The following HMGN5 variants were observed in gnomAD, a reference collection of about 807,000 sequenced individuals.
The protein encoded by HMGN5 is high mobility group nucleosome-binding domain-containing protein 5.
In HMGN5, 4 loss-of-function variants were observed where a neutral mutation model predicts 9.5. The ratio of observed to expected loss-of-function variants is 0.42; its 90% CI spans 0.21 to 0.96. The LOEUF (loss-of-function observed/expected upper bound fraction) is 0.96, where lower values mean the gene tolerates loss of function less well. Ranked by LOEUF, HMGN5 falls within the 40% of genes least tolerant of loss-of-function variation. HMGN5 has a pLI of 0.30. For synonymous variants in HMGN5, 55 were observed against 57.1 expected (o/e 0.96, Z 0.16); for missense variants, 192 against 187.5 (o/e 1.02, Z -0.14).
intron 1 of HMGN5, among the ~76,000 whole-genome samples, chrX:81,124,603 CTAAA>C (rs1188644700): frequency 8.9e-6 from 1 of 111,957 alleles, no homozygotes; most frequent in Non-Finnish European, 1.9e-5. Context: ...TTCCTTTTGC[CTAAA>C]TATTTACTCA....
At chrX:81,117,482 C>A (rs2075257149) in intron 5 of HMGN5, among the ~76,000 whole-genome samples, 1 of 109,810 alleles carries the variant, frequency 9.1e-6, no homozygotes, top group Non-Finnish European at 1.9e-5. Context: ...TACGTTCAAG[C>A]AATCTGCCCA....
chrX:81,137,333 T>TAAG (rs934614397), intron 1 of HMGN5, among the ~76,000 whole-genome samples: 14 of 111,822 alleles, frequency 1.3e-4, no homozygotes, highest in Non-Finnish European at 2.3e-4. Flanking sequence ...CCCAGCATCA[T>TAAG]AAGACACCTC....
intron 1 of HMGN5, among the ~76,000 whole-genome samples, chrX:81,153,443 A>G (rs1353378505): frequency 2.0e-5 from 2 of 100,070 alleles, no homozygotes; most frequent in African/African-American, 3.7e-5. Context: ...AATCCCAGCT[A>G]CTCAGGAGGC....
At chrX:81,176,188 G>T (rs2075441146) in intron 1 of HMGN5, among the ~76,000 whole-genome samples, 1 of 111,646 alleles carries the variant, frequency 9.0e-6, no homozygotes, top group Non-Finnish European at 1.9e-5. Flanking sequence ...GCAGCAGAGG[G>T]GCCTGACTGT....
At chrX:81,174,973 G>T (rs962594909) in intron 1 of HMGN5, among the ~76,000 whole-genome samples, 1 of 111,388 alleles carries the variant, frequency 9.0e-6, no homozygotes, top group Admixed American at 9.6e-5. Flanking sequence ...GAACAACTTA[G>T]AATAAGTAGT....
At chrX:81,163,639 A>G (rs753970056) in intron 1 of HMGN5, among the ~76,000 whole-genome samples, 1 of 111,998 alleles carries the variant, frequency 8.9e-6, no homozygotes, top group Non-Finnish European at 1.9e-5. Flanking sequence ...AAAATGTCAA[A>G]CACGTCAGTA....
intron 1 of HMGN5, among the ~76,000 whole-genome samples, chrX:81,133,425 C>T (rs1361983332): frequency 1.8e-5 from 2 of 111,484 alleles, no homozygotes; most frequent in East Asian, 5.6e-4. Flanking sequence ...AATTGCAGCA[C>T]TATTCACAAC....
intron 1 of HMGN5, among the ~76,000 whole-genome samples, chrX:81,133,663 C>G (rs986198101): frequency 1.8e-5 from 2 of 110,969 alleles, no homozygotes; most frequent in Admixed American, 1.9e-4. Flanking sequence ...ATGATGAGAA[C>G]ACATGGGCAT....
intron 1 of HMGN5, among the ~76,000 whole-genome samples, chrX:81,199,650 G>A (rs1000071236): frequency 8.9e-6 from 1 of 111,997 alleles, no homozygotes; most frequent in Non-Finnish European, 1.9e-5. Flanking sequence ...TTTAATAAAC[G>A]GTGCTGGGAA....
At chrX:81,199,773 C>A (rs2075519876) in intron 1 of HMGN5, among the ~76,000 whole-genome samples, 1 of 112,173 alleles carries the variant, frequency 8.9e-6, no homozygotes, top group South Asian at 3.6e-4. Context: ...ACCATAAAAA[C>A]CCTAGAAGAA....
At position 81,116,264 on chromosome X, in the gene HMGN5, T is replaced by G. The variant is rs975641342; in HGVS notation, c.207A>C (p.Glu69Asp). Reference sequence around the variant, plus strand: ...CATTGTAGTCTTCTTCAACAACTGCTTCTTGCTTGGTTTCAGCAACTGCTT... The same window carrying G: ...CATTGTAGTCTTCTTCAACAACTGCGTCTTGCTTGGTTTCAGCAACTGCTT... ...SAQAVAETKQEAVVEEDYNEN... is the reference protein window; with the variant it reads ...SAQAVAETKQDAVVEEDYNEN... The change falls in exon 6 of 7, where the codon GAA becomes GAC. Residue 69 changes from glutamate (E) to aspartate (D), a missense_variant. By Grantham distance (45) the Glu-to-Asp change is conservative. Coordinates refer to ENST00000358130, the MANE Select transcript of HMGN5 (RefSeq NM_030763.3). 8.4e-7 allele frequency: 1 copy of G among 1,197,199 alleles called. No homozygotes were observed.
At chrX:81,198,521 T>C (rs958331883) in intron 1 of HMGN5, among the ~76,000 whole-genome samples, 1 of 111,471 alleles carries the variant, frequency 9.0e-6, no homozygotes, top group Non-Finnish European at 1.9e-5. Flanking sequence ...TCAAAAAGCT[T>C]ATCCACCACG....
At chrX:81,139,915 T>G (rs1226571767) in intron 1 of HMGN5, among the ~76,000 whole-genome samples, 1 of 111,866 alleles carries the variant, frequency 8.9e-6, no homozygotes, top group African/African-American at 3.3e-5. Flanking sequence ...AGACAGTCTA[T>G]GACATAAGGA....
intron 1 of HMGN5, among the ~76,000 whole-genome samples, chrX:81,155,097 A>ATATC (rs1220387603): frequency 1.1e-5 from 1 of 94,782 alleles, no homozygotes; most frequent in Non-Finnish European, 2.1e-5. Flanking sequence ...ATATATATAT[A>ATATC]TATATACACA....
chrX:81,157,462 G>C (rs1602570852), intron 1 of HMGN5, among the ~76,000 whole-genome samples: 1 of 111,799 alleles, frequency 8.9e-6, no homozygotes, highest in South Asian at 3.8e-4. Flanking sequence ...TCACATAAAA[G>C]TGTCGAAAGC....
chrX:81,129,315 T>A (rs1445625076), intron 1 of HMGN5, among the ~76,000 whole-genome samples: 1 of 108,723 alleles, frequency 9.2e-6, no homozygotes, highest in African/African-American at 3.3e-5. Flanking sequence ...ACCTGAAAAA[T>A]TATTCATTTT....
At chrX:81,129,743 A>G (rs1014308155) in intron 1 of HMGN5, among the ~76,000 whole-genome samples, 3 of 111,412 alleles carry the variant, frequency 2.7e-5, no homozygotes, top group African/African-American at 9.8e-5. Context: ...TTTTTTGAAA[A>G]TATAAGCCAG....
intron 1 of HMGN5, among the ~76,000 whole-genome samples, chrX:81,156,225 A>T (rs1363433655): frequency 8.9e-6 from 1 of 112,129 alleles, no homozygotes; most frequent in Admixed American, 9.5e-5. Context: ...CTCCTGCAAT[A>T]TGTTTGCCTC....
intron 1 of HMGN5, among the ~76,000 whole-genome samples, chrX:81,169,580 A>C (rs907742602): frequency 4.5e-5 from 5 of 111,635 alleles, no homozygotes; most frequent in African/African-American, 1.6e-4. Flanking sequence ...GAGTTCAAAG[A>C]TGATTGGCCA....
Sources: allele counts gnomAD v4.1 joint callset (sites outside exome capture counted in the v4.1 genomes callset), GRCh38; gene constraint gnomAD v4.1.1; transcripts MANE v1.5; gene names NCBI Gene and HGNC (gene_info 2026-07-23, HGNC 2026-07-21).